RNASEH2B: variants seen among roughly 807,000 people sequenced by gnomAD.
RNASEH2B encodes ribonuclease H2 subunit B.
A neutral mutation model predicts 45.0 loss-of-function variants in RNASEH2B; 36 were observed. The ratio of observed to expected loss-of-function variants is 0.80; its 90% CI spans 0.61 to 1.06. The LOEUF is 1.06. Among genes scored for constraint, RNASEH2B ranks in the 50% least tolerant of loss-of-function variants. The probability of loss-of-function intolerance (pLI) is 0.00; values close to 1 mark genes in which losing one functional copy is unlikely to be tolerated. For synonymous variants in RNASEH2B, 119 were observed against 125.7 expected (o/e 0.95, Z 0.35); for missense variants, 361 against 360.3 (o/e 1.00, Z -0.02).
chr13:50,947,956 T>C, intron 7 of RNASEH2B, 31 bp from the exon 8 acceptor site: 1 of 1,606,068 alleles, frequency 6.2e-7, no homozygotes, highest in Non-Finnish European at 8.5e-7. Context: ...TTTTTTTTTT[T>C]TGCTTTCACT....
At chr13:50,918,187 G>T (rs947946574) in intron 1 of RNASEH2B, among the ~76,000 whole-genome samples, 4 of 152,022 alleles carry the variant, frequency 2.6e-5, no homozygotes, top group African/African-American at 9.7e-5. Context: ...GCCCAGGCTG[G>T]AGTGCAGTGG....
At chr13:50,962,146 G>T (rs1409743240) in intron 9 of RNASEH2B, among the ~76,000 whole-genome samples, 1 of 152,032 alleles carries the variant, frequency 6.6e-6, no homozygotes, top group Non-Finnish European at 1.5e-5. Flanking sequence ...GTTCATGAGG[G>T]ATATTGGTCT....
chr13:50,929,387 C>T (rs1309709070), intron 2 of RNASEH2B, 88 bp from the exon 3 acceptor site: 4 of 818,598 alleles, frequency 4.9e-6, no homozygotes, highest in Middle Eastern at 3.2e-4. Flanking sequence ...GAACATTCGT[C>T]AGAGATACTG....
At chr13:50,953,593 G>A in intron 9 of RNASEH2B, 1 of 402,596 alleles carries the variant, frequency 2.5e-6, no homozygotes, top group South Asian at 3.3e-5. Context: ...CTGGTAATTA[G>A]CAATCCCCTC....
chr13:50,961,399 A>G (rs1952109512), downstream of RNASEH2B, among the ~76,000 whole-genome samples: 1 of 152,018 alleles, frequency 6.6e-6, no homozygotes, highest in Admixed American at 6.6e-5. Context: ...GTATGGATTT[A>G]TAGATTTTTA....
chr13:50,937,993 C>T (rs1311494720), intron 5 of RNASEH2B: 1 of 152,206 alleles, frequency 6.6e-6, no homozygotes, highest in African/African-American at 2.4e-5. Flanking sequence ...AGTAGTACAA[C>T]TGTCTTTATT....
chr13:50,952,375 C>A (rs967811015), intron 9 of RNASEH2B: 3 of 152,110 alleles, frequency 2.0e-5, no homozygotes, highest in African/African-American at 7.2e-5. Context: ...CACCTAAACA[C>A]CCTTTGCTGT....
chr13:50,967,425 G>T (rs934844254), intron 9 of RNASEH2B, among the ~76,000 whole-genome samples: 1 of 152,166 alleles, frequency 6.6e-6, no homozygotes, highest in African/African-American at 2.4e-5. Context: ...CTGGCAAAGC[G>T]CATTGTGATT....
chr13:50,940,940 G>C (rs1327664552), intron 5 of RNASEH2B: 2 of 152,134 alleles, frequency 1.3e-5, no homozygotes, highest in Non-Finnish European at 2.9e-5. Flanking sequence ...TGTCAGCATG[G>C]TTGGGAGTTG....
intron 1 of RNASEH2B, chr13:50,911,130 C>T (rs778123787): frequency 6.6e-6 from 1 of 152,228 alleles, no homozygotes; most frequent in Non-Finnish European, 1.5e-5. Flanking sequence ...AACCATCCCC[C>T]AGTTCAAGAT....
At chr13:50,965,825 C>T (rs770930919) in intron 9 of RNASEH2B, among the ~76,000 whole-genome samples, 21 of 152,148 alleles carry the variant, frequency 1.4e-4, no homozygotes, top group Non-Finnish European at 3.1e-4. Context: ...AGTCATTTTA[C>T]GTAGCATTTA....
At chr13:50,951,655 G>A (rs1323161698) in intron 9 of RNASEH2B, 4 of 152,132 alleles carry the variant, frequency 2.6e-5, no homozygotes, top group African/African-American at 9.7e-5. Flanking sequence ...TATCCATTTA[G>A]TCATAGCCTT....
At chr13:50,945,657 C>T (rs1421483359) in intron 7 of RNASEH2B, 125 bp downstream of exon 7, 25 of 698,870 alleles carry the variant, frequency 3.6e-5, no homozygotes, top group Admixed American at 8.1e-5. Context: ...ATGCCTCATA[C>T]ACATTGTGGC....
At chr13:50,911,982 A>G (rs1371624989) in intron 1 of RNASEH2B, 1 of 152,228 alleles carries the variant, frequency 6.6e-6, no homozygotes, top group African/African-American at 2.4e-5. Flanking sequence ...TATTGATTGT[A>G]TCCCTGAAAA....
At chr13:50,963,348 G>C (rs1009835008) in intron 9 of RNASEH2B, among the ~76,000 whole-genome samples, 1 of 152,064 alleles carries the variant, frequency 6.6e-6, no homozygotes, top group African/African-American at 2.4e-5. Context: ...ATTTTTAGTA[G>C]AGATGGGGTT....
Position 50,909,963 on chromosome 13 carries a change from T to C in RNASEH2B, c.-114T>C. ...TGGGCCTCCTCCCGGGCGCTGCCGG[T>C]CCCTCAGCGCGCCGCGCCACCCGGA... On this transcript the variant is annotated 5_prime_UTR_variant, in exon 1 of 11. Transcript: ENST00000336617. 1 of 850,746 alleles carries C rather than the reference T, an allele frequency of 1.2e-6. No individual in the cohort carries two copies. Among genetic ancestry groups the C allele is most frequent in the Non-Finnish European group, 1.7e-6 (1 of 584,786 alleles). The allele number at this position is 850,746 out of a possible 1,614,324, so 52.7% of individuals were successfully genotyped here. A position where few individuals can be genotyped will look rare whatever the true frequency, so the allele number is the denominator to read the frequency against.
intron 1 of RNASEH2B, chr13:50,913,092 A>C (rs1879520210): frequency 6.6e-6 from 1 of 152,238 alleles, no homozygotes. Context: ...GTTGGTTTTC[A>C]TAGGCTGGTG....
At chr13:50,925,459 C>G (rs1275545184) in intron 1 of RNASEH2B, among the ~76,000 whole-genome samples, 1 of 152,118 alleles carries the variant, frequency 6.6e-6, no homozygotes, top group Non-Finnish European at 1.5e-5. Context: ...ATAAAATACC[C>G]TTGAACTTCA....
At chr13:50,968,173 T>G (rs1291738200) in intron 9 of RNASEH2B, among the ~76,000 whole-genome samples, 1 of 152,014 alleles carries the variant, frequency 6.6e-6, no homozygotes, top group South Asian at 2.1e-4. Context: ...CCCAGTACTT[T>G]GGGAAGCTGA....
Sources: allele counts gnomAD v4.1 joint callset (sites outside exome capture counted in the v4.1 genomes callset), GRCh38; gene constraint gnomAD v4.1.1; transcripts MANE v1.5; gene names NCBI Gene and HGNC (gene_info 2026-07-23, HGNC 2026-07-21).